The following PUM3 variants were observed in gnomAD, a reference collection of about 807,000 sequenced individuals.
PUM3 encodes the protein pumilio RNA binding family member 3, also known as pumilio homolog 3.
In PUM3, 91 loss-of-function variants were observed where a neutral mutation model predicts 84.0. The observed-to-expected ratio is 1.08, with a 90% CI of 0.91 to 1.29. The LOEUF is 1.29. PUM3 is among the 50% of genes most tolerant of loss of function. PUM3 has a pLI of 0.00. For synonymous variants in PUM3, 321 were observed against 266.7 expected (o/e 1.20, Z -1.98); for missense variants, 1,067 against 767.5 (o/e 1.39, Z -4.61).
intron 16 of PUM3, 143 bp from the exon 17 acceptor site, chr9:2,808,047 C>T (rs1451157184): frequency 3.3e-6 from 2 of 597,214 alleles, no homozygotes; most frequent in Non-Finnish European, 2.9e-6. Flanking sequence ...CCTTTTAACA[C>T]AAAAAATTCC....
Position 2,812,236 on chromosome 9 carries a change from C to A in PUM3, c.1396G>T (p.Asp466Tyr). The A allele has an allele frequency of 6.2e-7, 1 of 1,613,854 alleles. No homozygotes were observed. The highest frequency in any genetic ancestry group is 8.5e-7 in the Non-Finnish European group (1 of 1,179,830). ...REIIEVLQKG[D>Y]GNAHSKKDTE... ...TGGTTTTACCTGTGTGCATTTCCATCTCCTTTTTGCAGAACTTCAATGATT... is the reference window on the plus strand; with the variant it reads ...TGGTTTTACCTGTGTGCATTTCCATATCCTTTTTGCAGAACTTCAATGATT... Residue 466 changes from aspartate (D) to tyrosine (Y), a missense_variant, in exon 14 of 18, where the codon GAT becomes TAT. Physicochemically the swap from Asp to Tyr is radical, Grantham distance 160. Coordinates refer to ENST00000397885, the MANE Select transcript of PUM3 (RefSeq NM_014878.5).
chr9:2,807,963 C>G (rs188653759), intron 16 of PUM3, 59 bp from the exon 17 acceptor site: 3 of 1,046,406 alleles, frequency 2.9e-6, no homozygotes, highest in African/African-American at 1.6e-5. Flanking sequence ...CTCCCTACCC[C>G]CTTCTCTACT....
chr9:2,820,550 C>T (rs1273944547), intron 12 of PUM3, among the ~76,000 whole-genome samples: 2 of 152,010 alleles, frequency 1.3e-5, no homozygotes, highest in Non-Finnish European at 2.9e-5. Flanking sequence ...CACACACACA[C>T]GATATACATA....
chr9:2,832,650 G>T (rs777323096), intron 5 of PUM3, among the ~76,000 whole-genome samples: 8 of 152,154 alleles, frequency 5.3e-5, no homozygotes, highest in Non-Finnish European at 8.8e-5. Flanking sequence ...CGGAGCTGAG[G>T]GGGCAGTCCT....
At chr9:2,828,914 T>C in intron 8 of PUM3, 136 bp from the exon 9 acceptor site, 1 of 658,688 alleles carries the variant, frequency 1.5e-6, no homozygotes, top group Non-Finnish European at 2.7e-6. Flanking sequence ...ATGAAAGCTC[T>C]GCTGTATATC....
intron 12 of PUM3, 107 bp from the exon 13 acceptor site, chr9:2,820,205 A>C: frequency 2.4e-6 from 1 of 424,348 alleles, no homozygotes; most frequent in Non-Finnish European, 4.2e-6. Flanking sequence ...TCCGCTCAAA[A>C]AAAAAAAAAA....
intron 5 of PUM3, 62 bp downstream of exon 5, chr9:2,833,295 A>C: frequency 1.2e-6 from 1 of 818,738 alleles, no homozygotes; most frequent in Non-Finnish European, 2.0e-6. Context: ...ATGGTCAGCT[A>C]CTCCTGAGAG....
chr9:2,831,957 C>T (rs926974551), intron 5 of PUM3, among the ~76,000 whole-genome samples: 1 of 152,118 alleles, frequency 6.6e-6, no homozygotes, highest in Non-Finnish European at 1.5e-5. Context: ...CTAACCCATT[C>T]CTCCTCATGA....
At position 2,810,538 on chromosome 9, in the gene PUM3, C is replaced by T. The variant is rs1821345646; in HGVS notation, c.1636-107G>A. 12 of 735,168 alleles carry T rather than the reference C, an allele frequency of 1.6e-5. No homozygotes were observed. The South Asian group carries it at 2.3e-4, about 14-fold the overall frequency. 45.5% of individuals were successfully genotyped at this position (735,168 alleles called of 1,614,324 possible). A position where few individuals can be genotyped will look rare whatever the true frequency, so the allele number is the denominator to read the frequency against. Reference sequence around the variant, plus strand: ...CCACCACATACAGATAAGGACTCAGCCACTTTTAAAGTTCCACAGGCTTAA... The same window carrying T: ...CCACCACATACAGATAAGGACTCAGTCACTTTTAAAGTTCCACAGGCTTAA... On this transcript the variant is annotated intron_variant, in intron 15 of 17. Coordinates refer to ENST00000397885, the MANE Select transcript of PUM3 (RefSeq NM_014878.5).
At chr9:2,811,155 C>T (rs1211986972) in intron 15 of PUM3, among the ~76,000 whole-genome samples, 1 of 152,190 alleles carries the variant, frequency 6.6e-6, no homozygotes, top group East Asian at 1.9e-4. Context: ...AAATTCACAT[C>T]TGTAAAACAT....
chr9:2,828,914 T>G, intron 8 of PUM3, 136 bp from the exon 9 acceptor site: 1 of 658,688 alleles, frequency 1.5e-6, no homozygotes. Context: ...ATGAAAGCTC[T>G]GCTGTATATC....
At chr9:2,817,616 A>G (rs1400302402) in intron 13 of PUM3, among the ~76,000 whole-genome samples, 4 of 152,220 alleles carry the variant, frequency 2.6e-5, no homozygotes. Flanking sequence ...TTACAAAATA[A>G]AAAATGTCCA....
intron 11 of PUM3, among the ~76,000 whole-genome samples, 173 bp from the exon 12 acceptor site, chr9:2,824,007 T>C (rs542710655): frequency 6.6e-6 from 1 of 152,122 alleles, no homozygotes; most frequent in South Asian, 2.1e-4. Flanking sequence ...ACCAAAGAAG[T>C]TGGCTTAGAG....
At chr9:2,835,330 A>T (rs1038985368) in intron 3 of PUM3, among the ~76,000 whole-genome samples, 2 of 152,156 alleles carry the variant, frequency 1.3e-5, no homozygotes, top group African/African-American at 4.8e-5. Context: ...AGGCAGGAGG[A>T]TCACTTGAGT....
chr9:2,836,424 C>T (rs1204604681), intron 3 of PUM3, among the ~76,000 whole-genome samples: 1 of 152,104 alleles, frequency 6.6e-6, no homozygotes, highest in Admixed American at 6.6e-5. Flanking sequence ...AGCACGACAG[C>T]GGAATGTTAT....
intron 1 of PUM3, among the ~76,000 whole-genome samples, chr9:2,839,530 A>G (rs1348436644): frequency 6.6e-6 from 1 of 152,238 alleles, no homozygotes. Context: ...TCAATTCTCA[A>G]GCAAAGGCTA....
chr9:2,828,905 T>C, intron 8 of PUM3, 127 bp from the exon 9 acceptor site: 3 of 668,480 alleles, frequency 4.5e-6, no homozygotes, highest in Non-Finnish European at 7.9e-6. Flanking sequence ...ATTTACATAA[T>C]GAAAGCTCTG....
chr9:2,828,614 T>C, intron 9 of PUM3, 61 bp downstream of exon 9: 10 of 1,001,322 alleles, frequency 1.0e-5, no homozygotes, highest in Non-Finnish European at 1.4e-5. Flanking sequence ...GCAACAGTTA[T>C]GGAAAACCTT....
chr9:2,815,293 C>G (rs927406024), intron 13 of PUM3, among the ~76,000 whole-genome samples: 1 of 152,172 alleles, frequency 6.6e-6, no homozygotes, highest in Non-Finnish European at 1.5e-5. Flanking sequence ...CCAGCTCACC[C>G]TCGTTACAGC....
Sources: gnomAD v4.1 joint callset for allele counts (sites outside exome capture counted in the v4.1 genomes callset) on GRCh38, gnomAD v4.1.1 for gene constraint, MANE v1.5 for transcripts, NCBI Gene and HGNC (gene_info 2026-07-23, HGNC 2026-07-21) for gene names.